The following LRRC37A2 variants were observed in gnomAD, a reference collection of about 807,000 sequenced individuals.
LRRC37A2 encodes the protein leucine rich repeat containing 37 member A2.
LRRC37A2 carries 9 observed loss-of-function variants against 68.8 expected under a neutral mutation model. The observed-to-expected ratio is 0.13, with a 90% confidence interval of 0.08 to 0.23. LRRC37A2 has a LOEUF of 0.23. Among genes scored for constraint, LRRC37A2 ranks in the 10% least tolerant of loss-of-function variants. The pLI, the probability that LRRC37A2 is intolerant of heterozygous loss-of-function variation, is 1.00. For missense variants in LRRC37A2, 168 were observed against 950.4 expected (o/e 0.18, Z 10.82); for synonymous variants, 63 against 367.6 (o/e 0.17, Z 9.48).
chr17:46,935,097 C>T, the LRRC37A2 span: 24 of 1,612,656 alleles, frequency 1.5e-5, no homozygotes, highest in East Asian at 2.2e-5. Flanking sequence ...AAGTTCACAA[C>T]GGCATGGATG....
chr17:47,029,505 C>T, the LRRC37A2 span, among the ~76,000 whole-genome samples: 1 of 152,148 alleles, frequency 6.6e-6, no homozygotes. Context: ...GTTCAGAAAT[C>T]TAGTTTCACA....
chr17:46,816,112 TACAC>T, the LRRC37A2 span, among the ~76,000 whole-genome samples: 4 of 31,182 alleles, frequency 1.3e-4, no homozygotes, highest in Admixed American at 4.2e-4. Context: ...CGCGCGCACG[TACAC>T]ACACACACAC....
the LRRC37A2 span, chr17:46,940,042 C>G: frequency 9.4e-7 from 1 of 1,062,876 alleles, no homozygotes; most frequent in African/African-American, 1.7e-5. Flanking sequence ...TTGTCCTGCC[C>G]TACCTGCTCT....
At chr17:46,595,613 T>C in the LRRC37A2 span, among the ~76,000 whole-genome samples, 1 of 130,134 alleles carries the variant, frequency 7.7e-6, no homozygotes, top group Non-Finnish European at 1.5e-5. Flanking sequence ...CGCCTCAGCC[T>C]CCTGAGTAGC....
chr17:47,026,336 C>T, the LRRC37A2 span, among the ~76,000 whole-genome samples: 2 of 152,182 alleles, frequency 1.3e-5, no homozygotes, highest in Non-Finnish European at 2.9e-5. Context: ...TCTTCTAGGG[C>T]TTTGAATGCC....
the LRRC37A2 span, among the ~76,000 whole-genome samples, chr17:46,815,216 G>T: frequency 6.6e-6 from 1 of 151,916 alleles, no homozygotes; most frequent in Non-Finnish European, 1.5e-5. Context: ...TTCTCCACCA[G>T]GAGCTAACTG....
the LRRC37A2 span, chr17:46,768,301 C>T: frequency 9.3e-6 from 15 of 1,613,100 alleles, no homozygotes; most frequent in South Asian, 4.4e-5. The surrounding 1 kb of genome is among the most constrained non-coding windows in gnomAD (Gnocchi z 5.0). Flanking sequence ...CCCTGCTTCC[C>T]GGAGCCCTAC....
the LRRC37A2 span, among the ~76,000 whole-genome samples, chr17:46,809,329 A>C: frequency 6.6e-6 from 1 of 152,256 alleles, no homozygotes; most frequent in Admixed American, 6.5e-5. Context: ...TTGCATTCCT[A>C]ATGGGCCCTG....
the LRRC37A2 span, among the ~76,000 whole-genome samples, chr17:46,999,336 G>A: frequency 6.6e-6 from 1 of 152,126 alleles, no homozygotes; most frequent in Non-Finnish European, 1.5e-5. Flanking sequence ...TGACCCACCA[G>A]AAGGGCTCAA....
the LRRC37A2 span, among the ~76,000 whole-genome samples, chr17:47,022,185 TC>T: frequency 1.3e-4 from 6 of 45,208 alleles, 1 homozygote; most frequent in South Asian, 4.6e-3. Context: ...TTTTTTTTTT[TC>T]CAGAGACAGG....
At chr17:46,498,883 GTATATATATCTACATATATATACA>G in the LRRC37A2 span, among the ~76,000 whole-genome samples, 1 of 150,682 alleles carries the variant, frequency 6.6e-6, no homozygotes, top group African/African-American at 2.5e-5. Context: ...GTAGATATAC[GTATATATATCTACATATATATACA>G]TATATATGTA....
At chr17:46,676,241 T>TC in the LRRC37A2 span, among the ~76,000 whole-genome samples, 3 of 149,410 alleles carry the variant, frequency 2.0e-5, no homozygotes, top group African/African-American at 7.6e-5. Context: ...TTCTTTTTTT[T>TC]TTTTTTTTGA....
At chr17:46,826,813 C>G in the LRRC37A2 span, among the ~76,000 whole-genome samples, 9 of 143,372 alleles carry the variant, frequency 6.3e-5, no homozygotes, top group Admixed American at 2.2e-4. Flanking sequence ...GATGAAGTCT[C>G]GCTCTATCAC....
chr17:47,016,240 G>A, the LRRC37A2 span, among the ~76,000 whole-genome samples: 176 of 151,794 alleles, frequency 1.2e-3, no homozygotes, highest in South Asian at 1.0e-3. Context: ...CACCACACCC[G>A]GCCCCCCTTC....
At chr17:47,022,166 C>CT in the LRRC37A2 span, among the ~76,000 whole-genome samples, 95 of 15,856 alleles carry the variant, frequency 6.0e-3, 17 homozygotes, top group South Asian at 0.03. Flanking sequence ...CCTTTTTGTT[C>CT]TCTTTTTTTT....
At chr17:46,815,237 G>A in the LRRC37A2 span, among the ~76,000 whole-genome samples, 5 of 152,152 alleles carry the variant, frequency 3.3e-5, no homozygotes, top group East Asian at 7.8e-4. Context: ...GGACTGACAA[G>A]GGGAATTCGA....
the LRRC37A2 span, among the ~76,000 whole-genome samples, chr17:46,859,917 A>T: frequency 6.6e-6 from 1 of 152,214 alleles, no homozygotes; most frequent in Admixed American, 6.5e-5. Context: ...TAAAAAAAGA[A>T]ATTCTTCCAA....
At chr17:46,758,346 G>A in the LRRC37A2 span, among the ~76,000 whole-genome samples, 1 of 152,208 alleles carries the variant, frequency 6.6e-6, no homozygotes, top group South Asian at 2.1e-4. Context: ...CCCTGAGGCC[G>A]ACCTGGTCCC....
At chr17:46,809,340 C>CGAGATTGGTTT in the LRRC37A2 span, among the ~76,000 whole-genome samples, 2 of 152,154 alleles carry the variant, frequency 1.3e-5, no homozygotes, top group Non-Finnish European at 2.9e-5. Context: ...ATGGGCCCTG[C>CGAGATTGGTTT]GAGATTGGTT....
Sources: gnomAD v4.1 joint callset for allele counts (sites outside exome capture counted in the v4.1 genomes callset) on GRCh38, gnomAD v4.1.1 for gene constraint, Gnocchi (gnomAD v3.1) non-coding constraint, MANE v1.5 for transcripts, NCBI Gene and HGNC (gene_info 2026-07-23, HGNC 2026-07-21) for gene names.